The following PLEKHA7 variants were observed in gnomAD, a reference collection of about 807,000 sequenced individuals.
PLEKHA7 encodes pleckstrin homology domain containing A7.
In PLEKHA7, 104 loss-of-function variants were observed where a neutral mutation model predicts 170.0. The observed-to-expected ratio is 0.61, with a 90% CI of 0.52 to 0.72. PLEKHA7 has a LOEUF of 0.72. Ranked by LOEUF, PLEKHA7 falls within the 30% of genes least tolerant of loss-of-function variation. The pLI, the probability that PLEKHA7 is intolerant of heterozygous loss-of-function variation, is 0.00. For missense variants in PLEKHA7, 1,615 were observed against 1,671.7 expected (o/e 0.97, Z 0.59); for synonymous variants, 648 against 660.8 (o/e 0.98, Z 0.30).
At chr11:17,010,867 G>T (rs1177429961) in intron 3 of PLEKHA7, among the ~76,000 whole-genome samples, 1 of 152,174 alleles carries the variant, frequency 6.6e-6, no homozygotes, top group African/African-American at 2.4e-5. Flanking sequence ...CATGTGGGGG[G>T]CGGGGGATGA....
intron 3 of PLEKHA7, among the ~76,000 whole-genome samples, chr11:16,995,430 C>T (rs573885893): frequency 1.3e-5 from 2 of 152,152 alleles, no homozygotes; most frequent in African/African-American, 4.8e-5. Flanking sequence ...CACTGTCTCT[C>T]GTCCCCGCCC....
At chr11:16,779,739 A>C (rs1026187600) in intron 26 of PLEKHA7, among the ~76,000 whole-genome samples, 11 of 152,210 alleles carry the variant, frequency 7.2e-5, no homozygotes, top group African/African-American at 2.6e-4. Context: ...CAGGATAGAC[A>C]CCTGCCAAAA....
At chr11:16,782,712 T>A (rs944498630) in intron 26 of PLEKHA7, 42 bp downstream of exon 26, 2 of 1,532,150 alleles carry the variant, frequency 1.3e-6, no homozygotes, top group African/African-American at 2.7e-5. Context: ...ACAGGTGCAG[T>A]GGGGCAGGAT....
intron 3 of PLEKHA7, among the ~76,000 whole-genome samples, chr11:16,959,541 C>A (rs566997707): frequency 2.5e-4 from 38 of 152,236 alleles, no homozygotes; most frequent in African/African-American, 8.9e-4. Flanking sequence ...GTGTGAGAGG[C>A]CAGGCCCATA....
intron 3 of PLEKHA7, among the ~76,000 whole-genome samples, chr11:16,994,926 G>A (rs1864253037): frequency 2.0e-5 from 3 of 152,294 alleles, no homozygotes; most frequent in African/African-American, 7.2e-5. Flanking sequence ...GAGGACACCA[G>A]TGTTGCTTTG....
rs867660056 is a variant in PLEKHA7, at chr11:16,908,709, T to A, written c.222-37527A>T. Among the ~76,000 whole-genome samples, 8 of 152,296 alleles carry A rather than the reference T, an allele frequency of 5.3e-5. No individual in the cohort carries two copies. The South Asian group carries it at 1.4e-3, about 28-fold the overall frequency. Reference sequence around the variant, plus strand: ...TGGTGTTTCACCACGTTGGCCAGAATGGTCTCAAACTCCTGACCTCAGGTG... The same window carrying A: ...TGGTGTTTCACCACGTTGGCCAGAAAGGTCTCAAACTCCTGACCTCAGGTG... On this transcript the variant is annotated intron_variant, in intron 3 of 26. Transcript: ENST00000531066.
intron 3 of PLEKHA7, among the ~76,000 whole-genome samples, chr11:16,989,218 G>A (rs541084011): frequency 7.9e-4 from 120 of 152,280 alleles, no homozygotes; most frequent in African/African-American, 2.8e-3. Context: ...GTGGGAGCAA[G>A]GACAAAACTC....
Position 16,817,129 on chromosome 11 carries a change from G to A in PLEKHA7, c.1537C>T (p.Arg513Trp), listed in dbSNP as rs201543002. ...CACACGGTGCCATCCCGGTGCGCCCGGCGCTCTTCACTCGACATCTTCAGG... is the reference window on the plus strand; with the variant it reads ...CACACGGTGCCATCCCGGTGCGCCCAGCGCTCTTCACTCGACATCTTCAGG... ...SHLKMSSEER[R>W]AHRDGTVWQL... is the part of the protein sequence containing the mutation. Residue 513 changes from arginine (R) to tryptophan (W), a missense_variant, in exon 11 of 27, where the codon CGG becomes TGG. By Grantham distance (101) the Arg-to-Trp change is moderately radical. Transcript: ENST00000531066. The surrounding 1 kb of genome is among the most constrained non-coding windows in gnomAD (Gnocchi z 4.4). 2.5e-5 allele frequency: 40 copies of A among 1,614,058 alleles called. No individual in the cohort carries two copies. Among genetic ancestry groups the A allele is most frequent in the Non-Finnish European group, 3.1e-5 (37 of 1,180,046 alleles).
intron 19 of PLEKHA7, among the ~76,000 whole-genome samples, chr11:16,793,061 C>G (rs1847967278): frequency 6.6e-6 from 1 of 152,190 alleles, no homozygotes. Context: ...GAAAGCCCTG[C>G]CTGAGAGCCA....
At chr11:16,835,635 T>C (rs983606481) in intron 9 of PLEKHA7, among the ~76,000 whole-genome samples, 1 of 152,126 alleles carries the variant, frequency 6.6e-6, no homozygotes, top group African/African-American at 2.4e-5. Flanking sequence ...ATACATTTGT[T>C]TAATTTAATC....
chr11:16,943,528 T>C (rs1860827757), intron 3 of PLEKHA7, among the ~76,000 whole-genome samples: 1 of 152,212 alleles, frequency 6.6e-6, no homozygotes, highest in African/African-American at 2.4e-5. Context: ...GCACAGCCTC[T>C]TACTCCTTAT....
chr11:16,896,282 C>T (rs1354541708), intron 3 of PLEKHA7, among the ~76,000 whole-genome samples: 4 of 152,198 alleles, frequency 2.6e-5, no homozygotes, highest in African/African-American at 9.7e-5. Context: ...TGGTGAAGGT[C>T]ACCAAGGAGC....
intron 3 of PLEKHA7, among the ~76,000 whole-genome samples, chr11:16,985,554 C>T (rs912865263): frequency 5.3e-5 from 8 of 152,198 alleles, no homozygotes; most frequent in African/African-American, 1.7e-4. Context: ...TGGGGACAGC[C>T]ACACACAACA....
intron 3 of PLEKHA7, among the ~76,000 whole-genome samples, chr11:16,952,703 G>T (rs989035737): frequency 6.6e-6 from 1 of 152,160 alleles, no homozygotes; most frequent in African/African-American, 2.4e-5. Flanking sequence ...AATACATATT[G>T]GTTAAGCATC....
At chr11:16,954,933 G>A (rs1469214386) in intron 3 of PLEKHA7, among the ~76,000 whole-genome samples, 2 of 151,910 alleles carry the variant, frequency 1.3e-5, no homozygotes, top group African/African-American at 4.8e-5. Flanking sequence ...CTCGTGATCC[G>A]CCCGCCTCAG....
rs758736201 is a variant in PLEKHA7 at position 16,803,237 on chromosome 11, C to T, written c.2066G>A (p.Ser689Asn). The change falls in exon 14 of 27, where the codon AGC becomes AAC. Residue 689 changes from serine to asparagine, a missense_variant. Ser to Asn is a conservative substitution (Grantham distance 46, BLOSUM62 1). Coordinates refer to ENST00000531066, the MANE Select transcript of PLEKHA7 (RefSeq NM_001329630.2). ...ACTCTGCTCACTCACGTCAGTGTCG[C>T]TCTCAGCGATCTTCACAGGCTTCAG... ...RSLKPVKIAE[S>N]DTDVKLSIFC... The T allele has an allele frequency of 1.9e-6, 3 of 1,613,832 alleles. No homozygotes were observed. The highest frequency in any genetic ancestry group is 1.3e-5 in the African/African-American group (1 of 74,928).
Position 16,970,555 on chromosome 11 carries a change from T to C in PLEKHA7, c.221+43434A>G, listed in dbSNP as rs1862646534. Among the ~76,000 whole-genome samples the C allele has an allele frequency of 3.9e-5, 6 of 152,028 alleles. No individual in the cohort carries two copies. The South Asian group carries it at 1.2e-3, about 32-fold the overall frequency. ...GGTGGTGTGTGCCTGTAGTCCCAGA[T>C]ACTACGGAGGTTGAGGCAGGAAGAT... is the stretch of plus-strand genomic sequence containing the variant. On this transcript the variant is annotated intron_variant, in intron 3 of 26. Transcript: ENST00000531066.
At chr11:17,014,263 C>T (rs1366560481) in intron 1 of PLEKHA7, 53 bp downstream of exon 1, 86 of 1,396,964 alleles carry the variant, frequency 6.2e-5, no homozygotes, top group Admixed American at 3.7e-5. Context: ...CGCCCGGCCC[C>T]CGCCCCCGCG....
At chr11:17,011,408 A>G (rs1341048121) in intron 3 of PLEKHA7, among the ~76,000 whole-genome samples, 1 of 152,130 alleles carries the variant, frequency 6.6e-6, no homozygotes, top group African/African-American at 2.4e-5. Flanking sequence ...CAAAAAAAAG[A>G]ACCCTCCCTC....
Sources: allele counts gnomAD v4.1 joint callset (sites outside exome capture counted in the v4.1 genomes callset), GRCh38; gene constraint gnomAD v4.1.1; non-coding constraint Gnocchi (gnomAD v3.1); transcripts MANE v1.5; gene names NCBI Gene and HGNC (gene_info 2026-07-23, HGNC 2026-07-21).